Variants in PIWIL2 observed in about 807,000 individuals in gnomAD.
PIWIL2 encodes piwi like RNA-mediated gene silencing 2.
A neutral mutation model predicts 116.5 loss-of-function variants in PIWIL2; 81 were observed. The ratio of observed to expected loss-of-function variants is 0.70; its 90% CI spans 0.58 to 0.84. The LOEUF is 0.84. Ranked by LOEUF, PIWIL2 falls within the 40% of genes least tolerant of loss-of-function variation. PIWIL2 has a pLI of 0.00. For synonymous variants in PIWIL2, 489 were observed against 429.5 expected, an observed-to-expected ratio of 1.14 and a Z score of -1.71; for missense variants, 1,272 against 1,212.3, an observed-to-expected ratio of 1.05 and a Z score of -0.73.
chr8:22,316,730 C>T (rs887151837), intron 19 of PIWIL2, among the ~76,000 whole-genome samples: 1 of 152,082 alleles, frequency 6.6e-6, no homozygotes, highest in Non-Finnish European at 1.5e-5. Context: ...GATCCGCCCA[C>T]CTCAGCCTCC....
chr8:22,296,097 C>T (rs1830899212), intron 10 of PIWIL2, among the ~76,000 whole-genome samples: 1 of 142,742 alleles, frequency 7.0e-6, no homozygotes, highest in Admixed American at 7.4e-5. Flanking sequence ...GCTCTGTTGC[C>T]CAGGCTAGAG....
chr8:22,335,542 ACTT>A (rs1831960577), intron 20 of PIWIL2, among the ~76,000 whole-genome samples: 1 of 117,452 alleles, frequency 8.5e-6, no homozygotes. Flanking sequence ...GACAAAATAG[ACTT>A]TTTTTTTTTT....
chr8:22,277,711 A>T (rs1299368463), intron 1 of PIWIL2, among the ~76,000 whole-genome samples: 1 of 152,176 alleles, frequency 6.6e-6, no homozygotes, highest in Non-Finnish European at 1.5e-5. Flanking sequence ...AGAATTGGAT[A>T]GAGATTCGGA....
intron 1 of PIWIL2, 104 bp downstream of exon 1, chr8:22,275,502 G>T (rs950852576): frequency 3.3e-5 from 5 of 152,320 alleles, no homozygotes; most frequent in African/African-American, 7.2e-5. Context: ...GCCCTCCCGG[G>T]CCTCTCCCCT....
chr8:22,310,558 T>A (rs1171215652), intron 15 of PIWIL2, among the ~76,000 whole-genome samples: 1 of 152,196 alleles, frequency 6.6e-6, no homozygotes, highest in Non-Finnish European at 1.5e-5. Context: ...AAATGCATGT[T>A]TTTAAATGTT....
chr8:22,281,083 A>T, intron 2 of PIWIL2, 37 bp from the exon 3 acceptor site: 1 of 1,352,660 alleles, frequency 7.4e-7, no homozygotes, highest in Middle Eastern at 1.8e-4. Flanking sequence ...GGGGTTTTAA[A>T]CTACCTCTTA....
At chr8:22,291,154 T>C (rs1010863938) in intron 10 of PIWIL2, among the ~76,000 whole-genome samples, 1 of 151,162 alleles carries the variant, frequency 6.6e-6, no homozygotes, top group East Asian at 1.9e-4. Context: ...TCTTTTCTTT[T>C]CTTTTTTTTT....
chr8:22,287,594 C>T lies in PIWIL2; in HGVS notation c.810C>T (p.Asn270=), dbSNP rs1023351344. The change falls in exon 7 of 23, where the codon AAC becomes AAT. Residue 270 remains asparagine (N), a synonymous_variant. Coordinates refer to ENST00000356766, the MANE Select transcript of PIWIL2 (RefSeq NM_018068.5). ...AGGACCATCAAGCTGTCACCGGCAA[C>T]GTCACTGCGTTTGATGGATCTATTC... is the stretch of plus-strand genomic sequence containing the variant. ...MLKDHQAVTG[N]VTAFDGSILY... 11 of 1,613,544 alleles carry T rather than the reference C, an allele frequency of 6.8e-6. No homozygotes were observed. The highest frequency in any genetic ancestry group is 5.5e-5 in the South Asian group (5 of 91,084).
intron 20 of PIWIL2, among the ~76,000 whole-genome samples, chr8:22,333,298 T>A (rs1392610224): frequency 1.3e-5 from 2 of 152,050 alleles, no homozygotes; most frequent in African/African-American, 2.4e-5. Flanking sequence ...ATGAAGCCAG[T>A]CACAAAAGAT....
chr8:22,301,156 A>T (rs1255570573), intron 10 of PIWIL2, among the ~76,000 whole-genome samples: 5 of 151,632 alleles, frequency 3.3e-5, no homozygotes, highest in South Asian at 2.1e-4. Context: ...ATTAAAAAAA[A>T]TTTTTTTTGT....
At chr8:22,307,472 CATT>C (rs1831211099) in intron 13 of PIWIL2, among the ~76,000 whole-genome samples, 4 of 73,036 alleles carry the variant, frequency 5.5e-5, no homozygotes, top group Middle Eastern at 0.017. Flanking sequence ...TTTTATTATT[CATT>C]TTTTTTTTTT....
chr8:22,299,263 T>G (rs1348726772), intron 10 of PIWIL2, among the ~76,000 whole-genome samples: 1 of 151,662 alleles, frequency 6.6e-6, no homozygotes, highest in African/African-American at 2.4e-5. Flanking sequence ...CAGGCTGGAG[T>G]GCAATGGCGT....
intron 21 of PIWIL2, 46 bp downstream of exon 21, chr8:22,353,258 A>G (rs1832415095): frequency 1.9e-6 from 3 of 1,544,666 alleles, no homozygotes; most frequent in Non-Finnish European, 2.7e-6. Flanking sequence ...TAAGTTGGAG[A>G]TGTTGTCACT....
chr8:22,329,803 A>G (rs2132077153), intron 20 of PIWIL2, among the ~76,000 whole-genome samples: 1 of 152,336 alleles, frequency 6.6e-6, no homozygotes, highest in South Asian at 2.1e-4. Context: ...GGGTGTGAGC[A>G]TGTGTATAGA....
At chr8:22,345,353 G>C (rs1832202243) in intron 20 of PIWIL2, among the ~76,000 whole-genome samples, 1 of 152,144 alleles carries the variant, frequency 6.6e-6, no homozygotes, top group South Asian at 2.1e-4. Flanking sequence ...TATTCATAAT[G>C]GCCAGAAATT....
chr8:22,316,379 G>C, intron 19 of PIWIL2, 46 bp downstream of exon 19: 1 of 1,069,292 alleles, frequency 9.4e-7, no homozygotes. Flanking sequence ...TTTCATTTTA[G>C]TGCCTAATCT....
chr8:22,345,152 A>G (rs1441744135), intron 20 of PIWIL2, among the ~76,000 whole-genome samples: 1 of 152,224 alleles, frequency 6.6e-6, no homozygotes, highest in East Asian at 1.9e-4. Context: ...AATAGCCACA[A>G]TACTCCAGCC....
intron 2 of PIWIL2, 112 bp from the exon 3 acceptor site, chr8:22,281,008 T>C (rs1830486289): frequency 4.7e-6 from 3 of 639,144 alleles, no homozygotes. Context: ...CCTTTATTCT[T>C]ATAACATGTA....
chr8:22,307,674 C>T (rs952629246), intron 13 of PIWIL2, among the ~76,000 whole-genome samples: 2 of 151,612 alleles, frequency 1.3e-5, no homozygotes, highest in African/African-American at 2.4e-5. Flanking sequence ...TTTATAGAGA[C>T]AGAGTCTTGC....
Sources: gnomAD v4.1 joint callset for allele counts (sites outside exome capture counted in the v4.1 genomes callset) on GRCh38, gnomAD v4.1.1 for gene constraint, MANE v1.5 for transcripts, NCBI Gene and HGNC (gene_info 2026-07-23, HGNC 2026-07-21) for gene names.